Variants in GRID1 observed in about 807,000 individuals in gnomAD.
The protein encoded by GRID1 is glutamate ionotropic receptor delta type subunit 1.
Under a neutral mutation model 98.0 loss-of-function variants are expected in GRID1, and 28 were observed. The ratio of observed to expected loss-of-function variants is 0.29; its 90% CI spans 0.21 to 0.39. The LOEUF (loss-of-function observed/expected upper bound fraction) is 0.39, where lower values mean the gene tolerates loss of function less well. Ranked by LOEUF, GRID1 falls within the 10% of genes least tolerant of loss-of-function variation. GRID1 has a pLI of 1.00. For missense variants in GRID1, 1,111 were observed against 1,340.5 expected (o/e 0.83, Z 2.67); for synonymous variants, 553 against 538.5 (o/e 1.03, Z -0.37).
chr10:86,044,774 C>G (rs12250350), intron 4 of GRID1, among the ~76,000 whole-genome samples: 12,230 of 152,238 alleles, frequency 0.08, 583 homozygotes, highest in East Asian at 0.15. Context: ...AGAGGAGAAG[C>G]AATACCCTTT....
chr10:86,133,330 G>A (rs962824110), intron 4 of GRID1, among the ~76,000 whole-genome samples: 1 of 152,228 alleles, frequency 6.6e-6, no homozygotes, highest in Non-Finnish European at 1.5e-5. Flanking sequence ...GTGCATGTGT[G>A]TGTGTGTGTG....
intron 12 of GRID1, among the ~76,000 whole-genome samples, chr10:85,722,653 T>C (rs987378084): frequency 6.6e-6 from 1 of 152,276 alleles, no homozygotes; most frequent in Non-Finnish European, 1.5e-5. Context: ...TATATTAGAC[T>C]TCTGGTTTAA....
At chr10:86,113,489 A>G (rs947480614) in intron 4 of GRID1, among the ~76,000 whole-genome samples, 3 of 152,262 alleles carry the variant, frequency 2.0e-5, no homozygotes, top group Non-Finnish European at 4.4e-5. Flanking sequence ...CAGAGTGGTC[A>G]CATAGCCGAA....
intron 3 of GRID1, among the ~76,000 whole-genome samples, chr10:86,178,577 G>A (rs952583644): frequency 4.6e-5 from 7 of 152,152 alleles, no homozygotes; most frequent in East Asian, 1.9e-4. Context: ...GAGCCCATGC[G>A]CCACCTCCAG....
At position 85,916,310 on chromosome 10, in the gene GRID1, G is replaced by A. The variant is rs1398681154; in HGVS notation, c.727-71C>T. 1.8e-6 allele frequency: 2 copies of A among 1,109,754 alleles called. No individual in the cohort carries two copies. The highest frequency in any genetic ancestry group is 2.8e-6 in the Non-Finnish European group (2 of 724,466). The allele number at this position is 1,109,754 out of a possible 1,614,324, so 68.7% of individuals were successfully genotyped here. A position where few individuals can be genotyped will look rare whatever the true frequency, so the allele number is the denominator to read the frequency against. ...CTGGCAGACACAGGATGATTGCCGAGACAGAGTTTTATAAACATTGTTCTT... is the reference window on the plus strand; with the variant it reads ...CTGGCAGACACAGGATGATTGCCGAAACAGAGTTTTATAAACATTGTTCTT... On this transcript the variant is annotated intron_variant, in intron 4 of 15. Transcript: ENST00000327946. This position sits in a 1 kb window ranked among gnomAD's most constrained non-coding sequence, Gnocchi z 4.0.
rs957899431 is a variant in GRID1 at position 85,809,127 on chromosome 10, G to A, written c.1233+45369C>T. On this transcript the variant is annotated intron_variant, in intron 8 of 15. Transcript: ENST00000327946. ...TCACTAAATCAGAATAAAATGGACC[G>A]GACACAGCAGAAGACGTGACTCGTT... is the stretch of plus-strand genomic sequence containing the variant. Among the ~76,000 whole-genome samples, 3 of 151,326 alleles carry A rather than the reference G, an allele frequency of 2.0e-5. 1 individual carries two copies. Among genetic ancestry groups the A allele is most frequent in the Admixed American group, 2.0e-4 (3 of 15,190 alleles).
At chr10:86,216,470 A>T (rs1846178466) in intron 2 of GRID1, among the ~76,000 whole-genome samples, 1 of 152,232 alleles carries the variant, frequency 6.6e-6, no homozygotes. Context: ...CTTGTCCAAG[A>T]CTAGAGTTAG....
intron 4 of GRID1, among the ~76,000 whole-genome samples, chr10:86,036,769 A>T (rs1843271181): frequency 6.6e-6 from 1 of 152,178 alleles, no homozygotes; most frequent in South Asian, 2.1e-4. Flanking sequence ...GCAGATGAGG[A>T]TCGACTGAAA....
intron 4 of GRID1, among the ~76,000 whole-genome samples, chr10:85,987,412 C>A (rs1251949388): frequency 8.3e-6 from 1 of 119,988 alleles, no homozygotes; most frequent in African/African-American, 3.1e-5. Context: ...ATCTTCCCCC[C>A]AACCTAATTA....
At chr10:86,257,078 A>G (rs777541999) in intron 2 of GRID1, among the ~76,000 whole-genome samples, 8 of 152,200 alleles carry the variant, frequency 5.3e-5, no homozygotes, top group Non-Finnish European at 7.3e-5. Flanking sequence ...AAATCTGTTC[A>G]GTGCCCCTTT....
chr10:85,692,662 G>GT (rs1361730726), intron 12 of GRID1, among the ~76,000 whole-genome samples: 4 of 22,496 alleles, frequency 1.8e-4, no homozygotes, highest in East Asian at 1.7e-3. Context: ...GTGAGACCCT[G>GT]TTAAAAAAAA....
At chr10:86,084,408 C>T (rs1415785015) in intron 4 of GRID1, among the ~76,000 whole-genome samples, 2 of 151,852 alleles carry the variant, frequency 1.3e-5, no homozygotes, top group African/African-American at 2.4e-5. Context: ...AAATTGGAAC[C>T]CTTATGCACT....
At chr10:85,611,483 C>G (rs1266833650) in intron 15 of GRID1, among the ~76,000 whole-genome samples, 1 of 152,314 alleles carries the variant, frequency 6.6e-6, no homozygotes, top group African/African-American at 2.4e-5. Flanking sequence ...CCTGGAGACC[C>G]TCCCCTGCTC....
At chr10:86,251,851 G>A (rs1846838774) in intron 2 of GRID1, among the ~76,000 whole-genome samples, 1 of 152,182 alleles carries the variant, frequency 6.6e-6, no homozygotes, top group African/African-American at 2.4e-5. Context: ...CTGTCTTAGA[G>A]TGCTCTGTGA....
rs762910970 is a variant in GRID1, at chr10:86,364,062, G to A, written c.114C>T (p.Asp38=). The A allele has an allele frequency of 2.5e-6, 4 of 1,613,950 alleles. No homozygotes were observed. The highest frequency in any genetic ancestry group is 3.4e-6 in the Non-Finnish European group (4 of 1,179,822). ...AIFEENAAKD[D]RVFQLAVSDL... ...CGGATACCGCCAACTGGAACACCCT[G>A]TCGTCCTTGGCCGCGTTCTCCTCGA... is the stretch of plus-strand genomic sequence containing the variant. The change falls in exon 2 of 16, where the codon GAC becomes GAT. Residue 38 remains aspartate (D), a synonymous_variant. Transcript: ENST00000327946.
intron 4 of GRID1, among the ~76,000 whole-genome samples, chr10:86,107,414 A>G (rs142470126): frequency 6.6e-6 from 1 of 152,336 alleles, no homozygotes; most frequent in Non-Finnish European, 1.5e-5. Context: ...TGTCAGTGGC[A>G]AACCCCACAG....
chr10:85,685,689 A>G (rs1841261373), intron 12 of GRID1, among the ~76,000 whole-genome samples: 1 of 152,186 alleles, frequency 6.6e-6, no homozygotes. Context: ...TTGGTATTTT[A>G]CAGAGATAGA....
Position 86,316,650 on chromosome 10 carries a change from C to G in GRID1, c.235+47291G>C, listed in dbSNP as rs146773041. Among the ~76,000 whole-genome samples the G allele has an allele frequency of 1.0e-3, 153 of 152,342 alleles. 1 individual carries two copies. The highest frequency in any genetic ancestry group is 3.3e-3 in the African/African-American group (137 of 41,576). ...CAGCTCCTGAGACAGCAAGGGGTAC[C>G]TAGCCTAGAATAAGCCAGCACTGTG... On this transcript the variant is annotated intron_variant, in intron 2 of 15. Transcript: ENST00000327946.
chr10:85,684,881 T>C (rs1426971551), intron 12 of GRID1, among the ~76,000 whole-genome samples: 2 of 152,130 alleles, frequency 1.3e-5, no homozygotes, highest in Non-Finnish European at 2.9e-5. Context: ...ATGAGAGAAA[T>C]CTCTTTCTCT....
Sources: allele counts gnomAD v4.1 joint callset (sites outside exome capture counted in the v4.1 genomes callset), GRCh38; gene constraint gnomAD v4.1.1; non-coding constraint Gnocchi (gnomAD v3.1); transcripts MANE v1.5; gene names NCBI Gene and HGNC (gene_info 2026-07-23, HGNC 2026-07-21).